LAMA2: variants seen among roughly 807,000 people sequenced by gnomAD.
LAMA2 encodes laminin subunit alpha 2, also known as laminin subunit alpha-2.
A neutral mutation model predicts 364.8 loss-of-function variants in LAMA2; 269 were observed. The observed-to-expected ratio is 0.74, with a 90% confidence interval of 0.67 to 0.82. The LOEUF (loss-of-function observed/expected upper bound fraction) is 0.82. Ranked by LOEUF, LAMA2 falls within the 40% of genes least tolerant of loss-of-function variation. The pLI is 0.00. For missense variants in LAMA2, 3,807 were observed against 3,873.2 expected, an observed-to-expected ratio of 0.98 and a Z score of 0.45; for synonymous variants, 1,379 against 1,370.6, an observed-to-expected ratio of 1.01 and a Z score of -0.14.
Position 129,027,363 on chromosome 6 carries a change from T to C in LAMA2, c.113-22555T>C, listed in dbSNP as rs79532029. 4.4e-3 allele frequency among the ~76,000 whole-genome samples: 677 copies of C among 152,204 alleles called. 7 individuals carry two copies. Among genetic ancestry groups the C allele is most frequent in the African/African-American group, 0.015 (643 of 41,562 alleles). On this transcript the variant is annotated intron_variant, in intron 1 of 64. Transcript: ENST00000421865. Reference sequence around the variant, plus strand: ...TTCACCCCACTGATAGTTTTTAATATGTGGAGGTACACATACATATCTCTG... The same window carrying C: ...TTCACCCCACTGATAGTTTTTAATACGTGGAGGTACACATACATATCTCTG...
Position 129,505,313 on chromosome 6 carries a change from T to C in LAMA2, c.8661T>C (p.Val2887=), listed in dbSNP as rs763978489. Residue 2887 remains valine (V), a synonymous_variant, in exon 61 of 65, where the codon GTT becomes GTC. Coordinates refer to ENST00000421865, the MANE Select transcript of LAMA2 (RefSeq NM_000426.4). ...TGGATGTCGTGGGAATGCTGTATGT[T>C]GGTGGGTTACCCATCAACTACACTA... ...DILDVVGMLY[V]GGLPINYTTR... 6 of 1,614,044 alleles carry C rather than the reference T, an allele frequency of 3.7e-6. No individual in the cohort carries two copies. The South Asian group carries it at 6.6e-5, about 18-fold the overall frequency.
chr6:129,512,333 C>T, intron 62 of LAMA2, 30 bp from the exon 63 acceptor site: 1 of 1,609,114 alleles, frequency 6.2e-7, no homozygotes, highest in Admixed American at 1.7e-5. Context: ...ATCCTCTAAT[C>T]CAAAATATTT....
intron 32 of LAMA2, among the ~76,000 whole-genome samples, chr6:129,365,238 G>A (rs1207169132): frequency 6.6e-6 from 1 of 152,224 alleles, no homozygotes; most frequent in African/African-American, 2.4e-5. Flanking sequence ...GGATTTGTGA[G>A]ACTGCATCTA....
intron 1 of LAMA2, among the ~76,000 whole-genome samples, chr6:129,046,261 G>GT (rs1343879222): frequency 6.6e-6 from 1 of 152,282 alleles, no homozygotes; most frequent in East Asian, 1.9e-4. Context: ...GTGCACCATT[G>GT]TATTAGTCCA....
intron 8 of LAMA2, among the ~76,000 whole-genome samples, chr6:129,159,423 G>A (rs73773688): frequency 0.028 from 4,286 of 152,216 alleles, 199 homozygotes; most frequent in African/African-American, 0.097. Context: ...CCTTGCCAGC[G>A]TGCCGAGGCG....
intron 1 of LAMA2, among the ~76,000 whole-genome samples, chr6:128,965,782 G>A (rs555863099): frequency 8.6e-5 from 13 of 152,004 alleles, no homozygotes; most frequent in African/African-American, 3.1e-4. Context: ...GAATTGTCAA[G>A]ATGTCTCCCA....
chr6:129,078,162 T>C (rs925331445), intron 3 of LAMA2, among the ~76,000 whole-genome samples: 7 of 151,418 alleles, frequency 4.6e-5, no homozygotes, highest in African/African-American at 1.2e-4. Flanking sequence ...TGAGACAAAG[T>C]CTTGCTGTGT....
At chr6:129,310,060 C>A (rs1024720795) in intron 22 of LAMA2, among the ~76,000 whole-genome samples, 3 of 151,280 alleles carry the variant, frequency 2.0e-5, no homozygotes, top group Non-Finnish European at 4.4e-5. Flanking sequence ...CTACCACGCC[C>A]GGCTAATTTT....
chr6:129,228,915 A>G (rs7738096), intron 12 of LAMA2, among the ~76,000 whole-genome samples: 20,259 of 152,190 alleles, frequency 0.13, 3,367 homozygotes, highest in African/African-American at 0.39. Context: ...TAATTTTAAG[A>G]GGAGCATTTG....
chr6:128,981,654 G>A (rs1012984152), intron 1 of LAMA2, among the ~76,000 whole-genome samples: 4 of 151,902 alleles, frequency 2.6e-5, no homozygotes, highest in African/African-American at 9.7e-5. Flanking sequence ...GGAGGCTGAG[G>A]TGGGAGGATC....
intron 40 of LAMA2, among the ~76,000 whole-genome samples, chr6:129,405,632 G>A (rs573277119): frequency 3.9e-5 from 6 of 152,132 alleles, no homozygotes; most frequent in South Asian, 2.1e-4. Context: ...AATGACTATT[G>A]GATAAGAAAA....
intron 40 of LAMA2, among the ~76,000 whole-genome samples, chr6:129,411,956 G>A (rs1780561431): frequency 6.6e-6 from 1 of 152,090 alleles, no homozygotes; most frequent in African/African-American, 2.4e-5. Context: ...AATGGGGCAG[G>A]TAGTCAGTTA....
chr6:129,052,757 T>C (rs1562193588), intron 2 of LAMA2, among the ~76,000 whole-genome samples: 1 of 152,136 alleles, frequency 6.6e-6, no homozygotes. Flanking sequence ...GTTTCATTGC[T>C]CTTTTTTTTT....
intron 1 of LAMA2, among the ~76,000 whole-genome samples, chr6:128,912,737 T>A (rs774514857): frequency 1.3e-5 from 2 of 152,250 alleles, no homozygotes; most frequent in Non-Finnish European, 2.9e-5. Context: ...ATTAGATTCA[T>A]ACAGTCAGGC....
intron 55 of LAMA2, among the ~76,000 whole-genome samples, chr6:129,483,994 G>A (rs1335193746): frequency 6.6e-6 from 1 of 152,050 alleles, no homozygotes; most frequent in East Asian, 1.9e-4. Context: ...AAATATGGAA[G>A]GACAAAAATC....
intron 18 of LAMA2, among the ~76,000 whole-genome samples, chr6:129,280,799 TC>T (rs1025756592): frequency 3.3e-5 from 5 of 152,090 alleles, no homozygotes; most frequent in African/African-American, 1.2e-4. Context: ...GATACAAACT[TC>T]CCCCTTGACA....
At chr6:129,056,620 A>G (rs1234088654) in intron 2 of LAMA2, among the ~76,000 whole-genome samples, 5 of 152,174 alleles carry the variant, frequency 3.3e-5, no homozygotes, top group Non-Finnish European at 7.3e-5. Flanking sequence ...ATAGCTTAAA[A>G]CATAGTCTTC....
intron 62 of LAMA2, among the ~76,000 whole-genome samples, chr6:129,509,307 C>T (rs1786371521): frequency 6.6e-6 from 1 of 152,130 alleles, no homozygotes; most frequent in South Asian, 2.1e-4. Context: ...TGTGGGTTGT[C>T]ACTTCACTTT....
chr6:129,403,692 C>A, intron 39 of LAMA2, 129 bp from the exon 40 acceptor site: 1 of 827,618 alleles, frequency 1.2e-6, no homozygotes, highest in Non-Finnish European at 2.0e-6. Flanking sequence ...AGATACTTCA[C>A]TATTATTTGG....
Sources: gnomAD v4.1 joint callset for allele counts (sites outside exome capture counted in the v4.1 genomes callset) on GRCh38, gnomAD v4.1.1 for gene constraint, MANE v1.5 for transcripts, NCBI Gene and HGNC (gene_info 2026-07-23, HGNC 2026-07-21) for gene names.